The following BTBD9 variants were observed in gnomAD, a reference collection of about 807,000 sequenced individuals.
The protein encoded by BTBD9 is BTB domain containing 9.
A neutral mutation model predicts 64.3 loss-of-function variants in BTBD9; 49 were observed. The observed-to-expected ratio is 0.76, with a 90% CI of 0.61 to 0.97. The LOEUF (loss-of-function observed/expected upper bound fraction) is 0.97. BTBD9 is among the 50% of genes least tolerant of loss of function. The probability of loss-of-function intolerance (pLI) is 0.00; values close to 1 mark genes in which losing one functional copy is unlikely to be tolerated. For synonymous variants in BTBD9, 260 were observed against 274.7 expected (o/e 0.95, Z 0.53); for missense variants, 598 against 762.1 (o/e 0.78, Z 2.53).
At chr6:38,374,310 T>TATATATATATAC (rs1765582734) in intron 6 of BTBD9, among the ~76,000 whole-genome samples, 2 of 102,850 alleles carry the variant, frequency 1.9e-5, no homozygotes, top group Admixed American at 1.0e-4. Context: ...TATATATGTA[T>TATATATATATAC]ATATATATAT....
At chr6:38,263,514 G>T (rs1764863577) in intron 8 of BTBD9, among the ~76,000 whole-genome samples, 1 of 152,064 alleles carries the variant, frequency 6.6e-6, no homozygotes, top group Non-Finnish European at 1.5e-5. Context: ...ATCCATGCTG[G>T]GCTAATCAGA....
In BTBD9 at chr6:38,307,278, T is replaced by C. The variant is rs564456301; in HGVS notation, c.1265-18817A>G. Among the ~76,000 whole-genome samples, 8 of 152,334 alleles carry C rather than the reference T, an allele frequency of 5.3e-5. No homozygotes were observed. The South Asian group carries it at 1.7e-3, about 32-fold the overall frequency. ...AATAGCTAATTAGAGAACAAGCCCA[T>C]CTTTCTTGGAAACTATCAAAAAGCT... is the stretch of plus-strand genomic sequence containing the variant. On this transcript the variant is annotated intron_variant, in intron 7 of 10. Transcript: ENST00000481247.
At position 38,244,851 on chromosome 6, in the gene BTBD9, A is replaced by G. The variant is rs193040528; in HGVS notation, c.1562+11558T>C. The stretch of plus-strand genomic sequence containing the variant: ...GATGACAGATCAATAATGGGTTAAT[A>G]AAGAGAAGTTAGGAAGACACATGTG... On this transcript the variant is annotated intron_variant, in intron 9 of 10. Coordinates refer to ENST00000481247, the MANE Select transcript of BTBD9 (RefSeq NM_001099272.2). 2.0e-5 allele frequency among the ~76,000 whole-genome samples: 3 copies of G among 152,340 alleles called. No homozygotes were observed. In the East Asian group the frequency reaches 5.8e-4, roughly 29 times the overall value.
At chr6:38,353,447 G>C (rs181953531) in intron 6 of BTBD9, among the ~76,000 whole-genome samples, 2 of 152,208 alleles carry the variant, frequency 1.3e-5, no homozygotes, top group Admixed American at 6.5e-5. Context: ...GATAGAGAAA[G>C]AGAGGAGCAA....
intron 9 of BTBD9, among the ~76,000 whole-genome samples, chr6:38,251,849 G>A (rs1162995319): frequency 6.8e-6 from 1 of 147,994 alleles, no homozygotes; most frequent in African/African-American, 2.5e-5. Context: ...CCAAGATTAC[G>A]CCACTGCACT....
chr6:38,312,520 C>T (rs968527110), intron 7 of BTBD9, among the ~76,000 whole-genome samples: 1 of 152,144 alleles, frequency 6.6e-6, no homozygotes. Flanking sequence ...TTTTCTTTTA[C>T]TAGCTTTGTA....
At position 38,580,274 on chromosome 6, in the gene BTBD9, T is replaced by C. The variant is rs749754045; in HGVS notation, c.978A>G (p.Leu326=). ...DDCRSGIEIK[L]GQPSIINHIR... is the part of the protein sequence containing the mutation. The stretch of plus-strand genomic sequence containing the variant: ...TGTGATTGATAATGGATGGCTGACC[T>C]AGCTTAATCTCGATGCCGGAACGGC... Residue 326 remains leucine, a synonymous_variant, in exon 5 of 11, where the codon CTA becomes CTG. Transcript: ENST00000481247. The C allele has an allele frequency of 3.1e-6, 5 of 1,614,118 alleles. No homozygotes were observed. In the East Asian group the frequency reaches 8.9e-5, roughly 29 times the overall value.
chr6:38,308,408 A>G lies in BTBD9; in HGVS notation c.1265-19947T>C, dbSNP rs74381197. On this transcript the variant is annotated intron_variant, in intron 7 of 10. Transcript: ENST00000481247. ...TTATACAAACACAGGAGAAGGAATA[A>G]CCAACATACAAATAGTCACTTAAAC... Among the ~76,000 whole-genome samples the G allele has an allele frequency of 7.2e-3, 1,095 of 152,362 alleles. 20 individuals are homozygous for G. The East Asian group carries it at 0.081, about 11-fold the overall frequency.
At chr6:38,351,488 C>T (rs1012729088) in intron 6 of BTBD9, among the ~76,000 whole-genome samples, 45 of 139,082 alleles carry the variant, frequency 3.2e-4, no homozygotes, top group African/African-American at 1.1e-3. Flanking sequence ...ATACTAAAGA[C>T]AAATATTTAA....
intron 6 of BTBD9, among the ~76,000 whole-genome samples, chr6:38,499,014 C>T (rs1772079529): frequency 6.6e-6 from 1 of 152,104 alleles, no homozygotes; most frequent in African/African-American, 2.4e-5. Context: ...CTAAACAATG[C>T]CTGTCAGCAA....
At chr6:38,535,093 G>T (rs574953492) in intron 6 of BTBD9, among the ~76,000 whole-genome samples, 1 of 152,102 alleles carries the variant, frequency 6.6e-6, no homozygotes, top group South Asian at 2.1e-4. Context: ...GTTTGAAGAG[G>T]ATATGATCTT....
At chr6:38,445,073 G>C (rs2127322951) in intron 6 of BTBD9, among the ~76,000 whole-genome samples, 1 of 152,250 alleles carries the variant, frequency 6.6e-6, no homozygotes, top group Non-Finnish European at 1.5e-5. Flanking sequence ...ACCCTCTAGA[G>C]CTCTTTTTCC....
intron 6 of BTBD9, among the ~76,000 whole-genome samples, chr6:38,548,152 T>C (rs573665318): frequency 6.6e-6 from 1 of 152,350 alleles, no homozygotes; most frequent in African/African-American, 2.4e-5. Flanking sequence ...TCTATAAGTA[T>C]ACTATTCTCT....
intron 3 of BTBD9, among the ~76,000 whole-genome samples, chr6:38,593,721 C>T (rs1197114162): frequency 1.3e-5 from 2 of 152,188 alleles, no homozygotes; most frequent in African/African-American, 4.8e-5. Context: ...CACAGCAGCA[C>T]AGTCTCTTTT....
At position 38,509,215 on chromosome 6, in the gene BTBD9, A is replaced by T. The variant is rs1582549904; in HGVS notation, c.1154+68385T>A. On this transcript the variant is annotated intron_variant, in intron 6 of 10. Transcript: ENST00000481247. ...GGGGAAATGATTATACATTTAAAAT[A>T]ATCCTCAAGAACAAGTTTGGATGTT... Among the ~76,000 whole-genome samples the T allele has an allele frequency of 3.3e-5, 5 of 152,368 alleles. No individual in the cohort carries two copies. In the South Asian group the frequency reaches 8.3e-4, roughly 25 times the overall value.
At chr6:38,556,534 TGTGTGTGTGTGTGTGTGAGAGA>T (rs985055021) in intron 6 of BTBD9, among the ~76,000 whole-genome samples, 14 of 52,148 alleles carry the variant, frequency 2.7e-4, no homozygotes, top group Admixed American at 1.5e-3. Flanking sequence ...TGTGTGTGTG[TGTGTGTGTGTGTGTGTGAGAGA>T]GAGAGAGAGA....
chr6:38,179,373 A>C (rs1561836947), intron 10 of BTBD9: 1 of 454,114 alleles, frequency 2.2e-6, no homozygotes. Context: ...GATGAGACTG[A>C]TAAAGGAGAG....
intron 8 of BTBD9, among the ~76,000 whole-genome samples, chr6:38,276,770 T>A (rs537251403): frequency 1.1e-4 from 16 of 152,164 alleles, no homozygotes; most frequent in Middle Eastern, 3.4e-3. Flanking sequence ...GGTCTTTTTT[T>A]AAAAAAAATC....
At chr6:38,558,038 T>C (rs943628353) in intron 6 of BTBD9, among the ~76,000 whole-genome samples, 3 of 152,182 alleles carry the variant, frequency 2.0e-5, no homozygotes, top group Non-Finnish European at 2.9e-5. Context: ...GGCAGGACAA[T>C]TACTTTAGCC....
Sources: allele counts gnomAD v4.1 joint callset (sites outside exome capture counted in the v4.1 genomes callset), GRCh38; gene constraint gnomAD v4.1.1; transcripts MANE v1.5; gene names NCBI Gene and HGNC (gene_info 2026-07-23, HGNC 2026-07-21).